The following MMP21 variants were observed in gnomAD, a reference collection of about 807,000 sequenced individuals.
The protein encoded by MMP21 is matrix metalloproteinase-21.
Under a neutral mutation model 47.8 loss-of-function variants are expected in MMP21, and 40 were observed. That is an observed-to-expected ratio of 0.84 (90% CI 0.65 to 1.09). MMP21 has a LOEUF of 1.09. Ranked by LOEUF, MMP21 falls within the 50% of genes least tolerant of loss-of-function variation. The pLI, the probability that MMP21 is intolerant of heterozygous loss-of-function variation, is 0.00. For missense variants in MMP21, 747 were observed against 775.3 expected (o/e 0.96, Z 0.43); for synonymous variants, 341 against 318.0 (o/e 1.07, Z -0.77).
intron 1 of MMP21, 55 bp downstream of exon 1, chr10:125,775,605 C>T (rs993985263): frequency 1.3e-6 from 2 of 1,519,504 alleles, no homozygotes; most frequent in South Asian, 1.3e-5. Context: ...GCGCATGTGC[C>T]TGTGTGCACG....
In MMP21 at chr10:125,768,870, A is replaced by C. The variant is rs556418107; in HGVS notation, c.1238-1166T>G. On this transcript the variant is annotated intron_variant, in intron 5 of 6. Transcript: ENST00000368808. ...GACCTGAACTATAAAAGTCAGCTGT[A>C]AGTCAGTTTTTTTATGTAACTGAAA... Among the ~76,000 whole-genome samples the C allele has an allele frequency of 2.0e-4, 30 of 152,350 alleles. No individual in the cohort carries two copies. In the South Asian group the frequency reaches 5.6e-3, roughly 28 times the overall value.
chr10:125,772,729 C>T lies in MMP21; in HGVS notation c.719G>A (p.Arg240Gln), dbSNP rs749232299. ...FGRGRHLGCP[R>Q]AFDGSGQEFA... The stretch of plus-strand genomic sequence containing the variant: ...CTCCTGCCCGCTCCCATCGAAGGCC[C>T]GCGGACAGCCCAGGTGCCGGCCTGG... Residue 240 changes from arginine (R) to glutamine (Q), a missense_variant, in exon 3 of 7, where the codon CGG becomes CAG. By Grantham distance (43) the Arg-to-Gln change is conservative. Coordinates refer to ENST00000368808, the MANE Select transcript of MMP21 (RefSeq NM_147191.1). This position sits in a 1 kb window ranked among gnomAD's most constrained non-coding sequence, Gnocchi z 5.6. 6.8e-6 allele frequency: 11 copies of T among 1,613,950 alleles called. No homozygotes were observed. Among genetic ancestry groups the T allele is most frequent in the African/African-American group, 2.7e-5 (2 of 75,034 alleles).
In MMP21 at chr10:125,772,289, G is replaced by T. The variant is rs1232693154; in HGVS notation, c.908C>A (p.Pro303Gln). 15 of 1,614,066 alleles carry T rather than the reference G, an allele frequency of 9.3e-6. No individual in the cohort carries two copies. The highest frequency in any genetic ancestry group is 4.0e-5 in the African/African-American group (3 of 74,924). ...GGCAGGCTCCTGGGGAATGTAATTT[G>T]GTTGCATTATGGATCCCGTCCTGTA... ...HTYRTGSIMQ[P>Q]NYIPQEPAFE... Residue 303 changes from proline (P) to glutamine (Q), a missense_variant, in exon 4 of 7, where the codon CCA becomes CAA. Pro to Gln is a moderately conservative substitution (Grantham distance 76). Transcript: ENST00000368808. The surrounding 1 kb of genome is among the most constrained non-coding windows in gnomAD (Gnocchi z 5.6).
chr10:125,767,756 G>A (rs1850402146), intron 5 of MMP21, 52 bp from the exon 6 acceptor site: 5 of 1,568,558 alleles, frequency 3.2e-6, no homozygotes, highest in African/African-American at 1.4e-5. Flanking sequence ...TAAATCACGT[G>A]ACAAAAAGGA....
Position 125,770,328 on chromosome 10 carries a change from C to A in MMP21, c.1237+6G>T, listed in dbSNP as rs1554879226. ...AGAAATAGAACCATCCATGAAGAAT[C>A]TGTACCTTGAAAAAAATAACGTTCA... On this transcript the variant is annotated splice_donor_region_variant and intron_variant, in intron 5 of 6. Transcript: ENST00000368808. 2 of 1,614,036 alleles carry A rather than the reference C, an allele frequency of 1.2e-6. No individual in the cohort carries two copies. The highest frequency in any genetic ancestry group is 1.7e-6 in the Non-Finnish European group (2 of 1,179,920).
In MMP21 at chr10:125,773,293, T is replaced by G. The variant is rs144624003; in HGVS notation, c.697+538A>C. On this transcript the variant is annotated intron_variant, in intron 2 of 6. Coordinates refer to ENST00000368808, the MANE Select transcript of MMP21 (RefSeq NM_147191.1). The surrounding 1 kb of genome is among the most constrained non-coding windows in gnomAD (Gnocchi z 4.8). ...CCCACTCTCCATTCTGGGTGCCTTT[T>G]TGTGGGTATCCCAGATCCCACCCAT... 3.3e-3 allele frequency among the ~76,000 whole-genome samples: 496 copies of G among 152,066 alleles called. 5 individuals are homozygous for G. The highest frequency in any genetic ancestry group is 2.4e-3 in the Non-Finnish European group (160 of 67,976).
rs558903330 is a variant in MMP21 at position 125,772,472 on chromosome 10, C to T, written c.838-113G>A. 5.9e-5 allele frequency: 92 copies of T among 1,564,308 alleles called. 2 individuals are homozygous for T. In the East Asian group the frequency reaches 1.5e-3, roughly 25 times the overall value. ...GCGTTGCTTGTGAAGAGGGGAGCAC[C>T]GGTGGAACTGGGGAGCCATTCCACG... is the stretch of plus-strand genomic sequence containing the variant. On this transcript the variant is annotated intron_variant, in intron 3 of 6. Transcript: ENST00000368808. This position sits in a 1 kb window ranked among gnomAD's most constrained non-coding sequence, Gnocchi z 5.6.
rs749881801 is a variant in MMP21, at chr10:125,773,887, C to T, written c.641G>A (p.Arg214His). ...MWSEVTPLDF[R>H]EDLAAPGAAV... ...GGCCCCGGGGGCGGCCAGGTCCTCG[C>T]GGAAGTCCAGCGGCGTCACCTCGCT... Residue 214 changes from arginine (R) to histidine (H), a missense_variant, in exon 2 of 7, where the codon CGC becomes CAC. By Grantham distance (29) the Arg-to-His change is conservative. Transcript: ENST00000368808. The surrounding 1 kb of genome is among the most constrained non-coding windows in gnomAD (Gnocchi z 4.8). The T allele has an allele frequency of 6.3e-6, 10 of 1,577,334 alleles. No individual in the cohort carries two copies. In the Admixed American group the frequency reaches 1.4e-4, roughly 22 times the overall value.
In MMP21 at chr10:125,772,449, G is replaced by A. The variant is rs1589893594; in HGVS notation, c.838-90C>T. The A allele has an allele frequency of 2.2e-5, 34 of 1,580,466 alleles. No homozygotes were observed. The highest frequency in any genetic ancestry group is 1.9e-4 in the South Asian group (17 of 87,416). On this transcript the variant is annotated intron_variant, in intron 3 of 6. Coordinates refer to ENST00000368808, the MANE Select transcript of MMP21 (RefSeq NM_147191.1). The surrounding 1 kb of genome is among the most constrained non-coding windows in gnomAD (Gnocchi z 5.6). ...CGCAGGCCTGTGCTTCGAGAGGAGC[G>A]TTGCTTGTGAAGAGGGGAGCACCGG... is the stretch of plus-strand genomic sequence containing the variant.
chr10:125,772,255 C>T lies in MMP21; in HGVS notation c.942G>A (p.Leu314=). The T allele has an allele frequency of 6.2e-7, 1 of 1,614,188 alleles. No homozygotes were observed. The highest frequency in any genetic ancestry group is 8.5e-7 in the Non-Finnish European group (1 of 1,180,022). Residue 314 remains leucine, a synonymous_variant, in exon 4 of 7, where the codon TTG becomes TTA. Transcript: ENST00000368808. The surrounding 1 kb of genome is among the most constrained non-coding windows in gnomAD (Gnocchi z 5.6). ...NYIPQEPAFE[L]DWSDRKAIQK... is the part of the protein sequence containing the mutation. ...GAATTGCTTTCCTGTCTGACCAGTC[C>T]AACTCAAAGGCAGGCTCCTGGGGAA...
At chr10:125,774,791 G>A (rs1018273164) in intron 1 of MMP21, among the ~76,000 whole-genome samples, 2 of 152,186 alleles carry the variant, frequency 1.3e-5, no homozygotes, top group African/African-American at 4.8e-5. Context: ...GCGCAGGGCA[G>A]GTCGTGCGGG....
In MMP21 at chr10:125,772,221, A is replaced by T; in HGVS notation, c.976T>A (p.Tyr326Asn). 6.2e-7 allele frequency: 1 copy of T among 1,614,096 alleles called. No homozygotes were observed. The highest frequency in any genetic ancestry group is 1.1e-5 in the South Asian group (1 of 91,078). The change falls in exon 4 of 7, where the codon TAT becomes AAT. Residue 326 changes from tyrosine to asparagine, a missense_variant. Tyr to Asn is a moderately radical substitution (Grantham distance 143). Transcript: ENST00000368808. The surrounding 1 kb of genome is among the most constrained non-coding windows in gnomAD (Gnocchi z 5.6). ...WSDRKAIQKL[Y>N]GSCEGSFDTA... ...ATGCCCTCCGCAGCAGTCTTACCAT[A>T]CAGCTTTTGAATTGCTTTCCTGTCT... is the stretch of plus-strand genomic sequence containing the variant.
chr10:125,774,376 GA>G lies in MMP21; in HGVS notation c.163-12del. On this transcript the variant is annotated splice_polypyrimidine_tract_variant and intron_variant, in intron 1 of 6. Coordinates refer to ENST00000368808, the MANE Select transcript of MMP21 (RefSeq NM_147191.1). ...TCTGGACAGGAACCGCTGTGGGAGA[GA>G]AAGGCACCCTAATCTGGGCCGCCTC... 2.2e-6 allele frequency: 3 copies of G among 1,337,194 alleles called. No homozygotes were observed. The highest frequency in any genetic ancestry group is 2.9e-6 in the Non-Finnish European group (3 of 1,045,942). The allele number at this position is 1,337,194 out of a possible 1,614,324, so 82.8% of individuals were successfully genotyped here. A position where few individuals can be genotyped will look rare whatever the true frequency, so the allele number is the denominator to read the frequency against.
In MMP21 at chr10:125,774,304, C is replaced by A. The variant is rs1191140191; in HGVS notation, c.224G>T (p.Gly75Val). 3.9e-5 allele frequency: 55 copies of A among 1,415,666 alleles called. No individual in the cohort carries two copies. The highest frequency in any genetic ancestry group is 4.9e-5 in the Non-Finnish European group (54 of 1,093,120). The allele number at this position is 1,415,666 out of a possible 1,614,324, so 87.7% of individuals were successfully genotyped here. ...GGCGCCCTTGGGGGTCTCCGGCGGC[C>A]CCTCGGGACTGGGCCCCCAGGCCGC... ...VWAAWGPSPE[G>V]PPETPKGAAL... The change falls in exon 2 of 7, where the codon GGG (glycine) becomes GTG (valine). Residue 75 changes from glycine to valine, a missense_variant. By Grantham distance (109) the Gly-to-Val change is moderately radical. Transcript: ENST00000368808.
At chr10:125,771,034 AG>A (rs1850440633) in intron 4 of MMP21, among the ~76,000 whole-genome samples, 1 of 151,242 alleles carries the variant, frequency 6.6e-6, no homozygotes, top group African/African-American at 2.5e-5. Context: ...TATCTTGAAA[AG>A]AAAAAAAAAC....
rs758137866 is a variant in MMP21 at position 125,770,470 on chromosome 10, A to G, written c.1101T>C (p.Tyr367=). The change falls in exon 5 of 7, where the codon TAT becomes TAC. Residue 367 remains tyrosine, a synonymous_variant. Transcript: ENST00000368808. ...AGCGTGTCCTATTGTTTCGATTTTC[A>G]TAAAGCCAGTACCAGCTGTTACGGA... The part of the protein sequence containing the change: ...YFFRNSWYWL[Y]ENRNNRTRYG... The G allele has an allele frequency of 1.2e-6, 2 of 1,614,096 alleles. No homozygotes were observed. Among genetic ancestry groups the G allele is most frequent in the African/African-American group, 2.7e-5 (2 of 74,936 alleles).
chr10:125,771,814 G>A (rs1184496320), intron 4 of MMP21, among the ~76,000 whole-genome samples: 1 of 152,078 alleles, frequency 6.6e-6, no homozygotes, highest in Admixed American at 6.5e-5. Context: ...TGGCCTGAAC[G>A]ATTCTAAATA....
chr10:125,767,682 G>A lies in MMP21; in HGVS notation c.1260C>T (p.Asp420=). 1 of 1,614,132 alleles carries A rather than the reference G, an allele frequency of 6.2e-7. No individual in the cohort carries two copies. Among genetic ancestry groups the A allele is most frequent in the Non-Finnish European group, 8.5e-7 (1 of 1,180,008 alleles). ...CTGTGAGGGCCTGATCCTTGTCACT[G>A]TCATATCTCCAGTATTGATTTCCTG... ...FFQGNQYWRY[D]SDKDQALTED... is the part of the protein sequence containing the mutation. Residue 420 remains aspartate (D), a synonymous_variant, in exon 6 of 7, where the codon GAC becomes GAT. Transcript: ENST00000368808.
rs1195121267 is a variant in MMP21 at position 125,767,614 on chromosome 10, CCTT to C, written c.1325_1327del (p.Glu442del). ...TAGGGGACTTGGGATGCCAGGAAAT[CCTT>C]CTGAAATCAATTTGGGATAGCTTTT... is the stretch of plus-strand genomic sequence containing the variant. On this transcript the variant is annotated inframe_deletion, in exon 6 of 7. Coordinates refer to ENST00000368808, the MANE Select transcript of MMP21 (RefSeq NM_147191.1). The C allele has an allele frequency of 5.6e-6, 9 of 1,614,220 alleles. No homozygotes were observed. The highest frequency in any genetic ancestry group is 3.3e-5 in the Admixed American group (2 of 60,032).
Sources: gnomAD v4.1 joint callset for allele counts (sites outside exome capture counted in the v4.1 genomes callset) on GRCh38, gnomAD v4.1.1 for gene constraint, Gnocchi (gnomAD v3.1) non-coding constraint, MANE v1.5 for transcripts, NCBI Gene and HGNC (gene_info 2026-07-23, HGNC 2026-07-21) for gene names.